The following LRRC4C variants were observed in gnomAD, a reference collection of about 807,000 sequenced individuals.
The protein encoded by LRRC4C is leucine rich repeat containing 4C, also known as leucine-rich repeat-containing protein 4C.
LRRC4C carries 5 observed loss-of-function variants against 33.6 expected under a neutral mutation model. The ratio of observed to expected loss-of-function variants is 0.15; its 90% CI spans 0.08 to 0.31. The LOEUF is 0.31. Ranked by LOEUF, LRRC4C falls within the 10% of genes least tolerant of loss-of-function variation. LRRC4C has a pLI of 1.00. For synonymous variants in LRRC4C, 329 were observed against 302.0 expected, an observed-to-expected ratio of 1.09 and a Z score of -0.93; for missense variants, 560 against 796.7, an observed-to-expected ratio of 0.70 and a Z score of 3.58.
At chr11:40,483,982 T>C (rs1433254597) in intron 3 of LRRC4C, among the ~76,000 whole-genome samples, 1 of 151,878 alleles carries the variant, frequency 6.6e-6, no homozygotes, top group Non-Finnish European at 1.5e-5. Context: ...ACTTAACCAA[T>C]AATAAGTAAT....
intron 1 of LRRC4C, among the ~76,000 whole-genome samples, chr11:40,972,151 T>TC (rs1239358938): frequency 6.6e-6 from 1 of 151,418 alleles, no homozygotes; most frequent in Non-Finnish European, 1.5e-5. Context: ...TTTTTTTTTT[T>TC]TTTGAAATGG....
intron 2 of LRRC4C, among the ~76,000 whole-genome samples, chr11:40,785,478 G>C (rs2137317588): frequency 6.6e-6 from 1 of 152,196 alleles, no homozygotes; most frequent in East Asian, 1.9e-4. Flanking sequence ...CTTGGTTATA[G>C]TTTACTAGAG....
At chr11:41,367,534 G>A (rs550385983) in intron 1 of LRRC4C, among the ~76,000 whole-genome samples, 7 of 152,186 alleles carry the variant, frequency 4.6e-5, no homozygotes, top group African/African-American at 1.4e-4. Context: ...ATTTTAGTTC[G>A]GAATCATACT....
At chr11:40,440,293 C>T (rs912475813) in intron 3 of LRRC4C, among the ~76,000 whole-genome samples, 2 of 130,566 alleles carry the variant, frequency 1.5e-5, no homozygotes, top group Non-Finnish European at 3.3e-5. Flanking sequence ...TTAGTTTGGT[C>T]TCTTTCTTTT....
At chr11:40,613,054 G>T (rs1961395263) in intron 3 of LRRC4C, among the ~76,000 whole-genome samples, 1 of 151,892 alleles carries the variant, frequency 6.6e-6, no homozygotes, top group Non-Finnish European at 1.5e-5. Flanking sequence ...TTTGCTGGTG[G>T]AGGGTCTTGC....
intron 2 of LRRC4C, among the ~76,000 whole-genome samples, chr11:40,757,252 C>T (rs1262184409): frequency 1.3e-5 from 2 of 152,028 alleles, no homozygotes; most frequent in African/African-American, 4.8e-5. Context: ...GTCTTTGTGT[C>T]ATTCTTCTAA....
intron 1 of LRRC4C, among the ~76,000 whole-genome samples, chr11:41,136,078 G>C (rs535149315): frequency 2.0e-4 from 30 of 152,242 alleles, no homozygotes; most frequent in Middle Eastern, 3.4e-3. Context: ...AACACTTTCA[G>C]AGTGCCTGCA....
At chr11:41,165,304 A>C (rs1353602132) in intron 1 of LRRC4C, among the ~76,000 whole-genome samples, 1 of 152,080 alleles carries the variant, frequency 6.6e-6, no homozygotes, top group Middle Eastern at 3.2e-3. Flanking sequence ...ATCATATATG[A>C]GATCCATTGT....
intron 1 of LRRC4C, among the ~76,000 whole-genome samples, chr11:41,274,089 G>A (rs1949403649): frequency 6.6e-6 from 1 of 152,168 alleles, no homozygotes; most frequent in East Asian, 1.9e-4. Context: ...GGCATGCATG[G>A]CATGTCAGGA....
intron 2 of LRRC4C, among the ~76,000 whole-genome samples, chr11:40,665,638 A>C (rs1943764571): frequency 6.6e-6 from 1 of 151,796 alleles, no homozygotes; most frequent in Non-Finnish European, 1.5e-5. Flanking sequence ...AAGAAAACAG[A>C]ACATAGAAAA....
chr11:41,141,204 A>G (rs1194792472), intron 1 of LRRC4C, among the ~76,000 whole-genome samples: 1 of 152,204 alleles, frequency 6.6e-6, no homozygotes, highest in Non-Finnish European at 1.5e-5. Flanking sequence ...CCAGGTTTTT[A>G]AAATTATCCT....
intron 1 of LRRC4C, among the ~76,000 whole-genome samples, chr11:41,040,134 T>C (rs1259276457): frequency 4.9e-5 from 4 of 81,372 alleles, no homozygotes. Flanking sequence ...TGAGACTCTG[T>C]CTCAAAAAAA....
intron 3 of LRRC4C, among the ~76,000 whole-genome samples, chr11:40,319,963 A>G (rs115991752): frequency 0.014 from 2,155 of 152,174 alleles, 45 homozygotes; most frequent in African/African-American, 0.049. Flanking sequence ...ATAAATATAT[A>G]CATATATCTA....
chr11:40,921,270 G>A (rs987922180), intron 2 of LRRC4C, among the ~76,000 whole-genome samples: 11 of 152,260 alleles, frequency 7.2e-5, no homozygotes, highest in Middle Eastern at 3.4e-3. Flanking sequence ...AAGTGGGTCA[G>A]AGATTTGAGA....
intron 1 of LRRC4C, among the ~76,000 whole-genome samples, chr11:41,067,590 C>A (rs917360947): frequency 7.9e-5 from 12 of 152,204 alleles, no homozygotes; most frequent in African/African-American, 2.9e-4. Flanking sequence ...GAACTCTCCA[C>A]CCCAAATGAA....
chr11:40,993,419 C>A (rs2137279683), intron 1 of LRRC4C, among the ~76,000 whole-genome samples: 1 of 152,154 alleles, frequency 6.6e-6, no homozygotes, highest in South Asian at 2.1e-4. Flanking sequence ...AAGAAAAGTT[C>A]TAGTGGAGTT....
At chr11:41,282,048 T>G (rs536475100) in intron 1 of LRRC4C, among the ~76,000 whole-genome samples, 1 of 152,252 alleles carries the variant, frequency 6.6e-6, no homozygotes, top group Admixed American at 6.5e-5. Context: ...GGTAGAAAGG[T>G]CACACAAAAG....
intron 4 of LRRC4C, among the ~76,000 whole-genome samples, chr11:40,248,639 G>A (rs1291240271): frequency 6.6e-6 from 1 of 152,096 alleles, no homozygotes; most frequent in Non-Finnish European, 1.5e-5. Flanking sequence ...GGAGTTTGAG[G>A]CTGCAGTGAG....
chr11:40,125,092 C>T (rs1468541256), intron 6 of LRRC4C, among the ~76,000 whole-genome samples: 1 of 152,136 alleles, frequency 6.6e-6, no homozygotes, highest in African/African-American at 2.4e-5. Context: ...TAGCTAAGCT[C>T]ATGTCTAAGC....
Sources: gnomAD v4.1 joint callset for allele counts (sites outside exome capture counted in the v4.1 genomes callset) on GRCh38, gnomAD v4.1.1 for gene constraint, MANE v1.5 for transcripts, NCBI Gene and HGNC (gene_info 2026-07-23, HGNC 2026-07-21) for gene names.